RHNO1: variants seen among roughly 807,000 people sequenced by gnomAD.
RHNO1 encodes RAD9, HUS1, RAD1-interacting nuclear orphan protein 1.
RHNO1 carries 9 observed loss-of-function variants against 7.2 expected under a neutral mutation model. The observed-to-expected ratio is 1.25, with a 90% CI of 0.75 to 2.18. RHNO1 has a LOEUF of 2.18. Ranked by LOEUF, RHNO1 falls within the 30% of genes most tolerant of loss-of-function variation. The probability of loss-of-function intolerance (pLI) is 0.00; values close to 1 mark genes in which losing one functional copy is unlikely to be tolerated. For missense variants in RHNO1, 292 were observed against 284.5 expected (o/e 1.03, Z -0.19); for synonymous variants, 95 against 107.5 (o/e 0.88, Z 0.72).
rs1375829952 is a variant in RHNO1 at position 2,886,953 on chromosome 12, T to C, written c.169-958T>C. 4 of 455,828 alleles carry C rather than the reference T, an allele frequency of 8.8e-6. No homozygotes were observed. In the Admixed American group the frequency reaches 9.4e-5, roughly 11 times the overall value. The allele number at this position is 455,828 out of a possible 1,614,324, so 28.2% of individuals were successfully genotyped here. A position where few individuals can be genotyped will look rare whatever the true frequency, so the allele number is the denominator to read the frequency against. ...GCTATGCTTGGAGTTGGCTATTCATTAACTGAGGGCCTTCTTTGTTCCAGG... is the reference window on the plus strand; with the variant it reads ...GCTATGCTTGGAGTTGGCTATTCATCAACTGAGGGCCTTCTTTGTTCCAGG... On this transcript the variant is annotated intron_variant, in intron 2 of 2. Transcript: ENST00000489288.
intron 1 of RHNO1, chr12:2,877,808 AC>A (rs1452422595): frequency 1.3e-5 from 2 of 152,340 alleles, no homozygotes; most frequent in African/African-American, 4.8e-5. Context: ...CCCTGAAGAT[AC>A]AATGGCAGAC....
chr12:2,887,081 G>A (rs1189267415), intron 2 of RHNO1: 16 of 427,836 alleles, frequency 3.7e-5, no homozygotes, highest in Non-Finnish European at 4.9e-5. Context: ...TGTGGCTTAC[G>A]CCTGTAATCC....
chr12:2,882,607 G>A lies in RHNO1; in HGVS notation c.-84-2676G>A, dbSNP rs1443507615. ...AATCTAACCTACTGGGGAGGCTGAGGGTGGAGAATTTCTTGAACTCGGGAG... is the reference window on the plus strand; with the variant it reads ...AATCTAACCTACTGGGGAGGCTGAGAGTGGAGAATTTCTTGAACTCGGGAG... On this transcript the variant is annotated intron_variant, in intron 1 of 2. Transcript: ENST00000489288. Among the ~76,000 whole-genome samples, 3 of 152,076 alleles carry A rather than the reference G, an allele frequency of 2.0e-5. 1 individual carries two copies. Among genetic ancestry groups the A allele is most frequent in the African/African-American group, 7.3e-5 (3 of 41,342 alleles).
chr12:2,885,253 T>A (rs754411143), intron 1 of RHNO1, 30 bp from the exon 2 acceptor site: 3 of 912,084 alleles, frequency 3.3e-6, no homozygotes, highest in Non-Finnish European at 5.0e-6. Flanking sequence ...TCTGAATTAT[T>A]TGCTCCCAGC....
chr12:2,879,201 A>G (rs2098154119), intron 1 of RHNO1, among the ~76,000 whole-genome samples: 1 of 151,472 alleles, frequency 6.6e-6, no homozygotes, highest in Admixed American at 6.6e-5. Context: ...ACAGGGTCTC[A>G]CTCTGTTGCC....
chr12:2,886,655 C>CAAAAAA (rs11441422), intron 2 of RHNO1, among the ~76,000 whole-genome samples: 4 of 95,360 alleles, frequency 4.2e-5, no homozygotes, highest in African/African-American at 7.8e-5. Context: ...GACCCTGTCT[C>CAAAAAA]AAAAAAAAAA....
At position 2,885,475 on chromosome 12, in the gene RHNO1, A is replaced by C. The variant is rs752859007; in HGVS notation, c.109A>C (p.Ile37Leu). 2 of 1,610,996 alleles carry C rather than the reference A, an allele frequency of 1.2e-6. No individual in the cohort carries two copies. The highest frequency in any genetic ancestry group is 2.2e-5 in the South Asian group (2 of 90,994). ...CAGCTGTGCATCTACACAGCTTCCCATCACTCACACTCGACAGGTGCCCAG... is the reference window on the plus strand; with the variant it reads ...CAGCTGTGCATCTACACAGCTTCCCCTCACTCACACTCGACAGGTGCCCAG... ...KHSCASTQLP[I>L]THTRQVPSKP... Residue 37 changes from isoleucine to leucine, a missense_variant, in exon 2 of 3, where the codon ATC becomes CTC. Coordinates refer to ENST00000489288, the MANE Select transcript of RHNO1 (RefSeq NM_001252499.3).
intron 1 of RHNO1, chr12:2,885,018 C>A: frequency 4.6e-6 from 1 of 215,296 alleles, no homozygotes; most frequent in East Asian, 1.2e-4. Context: ...ACTACAAGTG[C>A]TTTGCACTCA....
Position 2,888,883 on chromosome 12 carries a change from T to A in RHNO1, c.*424T>A, listed in dbSNP as rs1033068337. ...ATGAACTATTCACTTCATATTTTTC[T>A]TGTATTAACTGTTTAAATTTTTAAA... On this transcript the variant is annotated 3_prime_UTR_variant, in exon 3 of 3. Transcript: ENST00000489288. 1.9e-5 allele frequency: 3 copies of A among 154,368 alleles called. No individual in the cohort carries two copies. Among genetic ancestry groups the A allele is most frequent in the Non-Finnish European group, 4.3e-5 (3 of 69,578 alleles). The allele number at this position is 154,368 out of a possible 1,614,324, so 9.6% of individuals were successfully genotyped here.
At chr12:2,887,777 C>A in intron 2 of RHNO1, 134 bp from the exon 3 acceptor site, 3 of 676,742 alleles carry the variant, frequency 4.4e-6, no homozygotes, top group South Asian at 2.4e-5. Flanking sequence ...TGTTATTATG[C>A]CATTAGACAG....
At chr12:2,877,378 G>A (rs992225266) in intron 1 of RHNO1, 96 bp downstream of exon 1, 7 of 152,206 alleles carry the variant, frequency 4.6e-5, no homozygotes, top group African/African-American at 7.2e-5. Flanking sequence ...GGCGAGCCGA[G>A]GGAGAGTTTG....
At chr12:2,878,694 G>C (rs1050548786) in intron 1 of RHNO1, among the ~76,000 whole-genome samples, 3 of 151,950 alleles carry the variant, frequency 2.0e-5, no homozygotes, top group East Asian at 3.8e-4. Flanking sequence ...CAGGGAGAGA[G>C]AGAGAGGAAG....
At chr12:2,887,080 C>T (rs1005782733) in intron 2 of RHNO1, 51 of 427,398 alleles carry the variant, frequency 1.2e-4, no homozygotes, top group Non-Finnish European at 7.3e-5. Context: ...TTGTGGCTTA[C>T]GCCTGTAATC....
intron 1 of RHNO1, chr12:2,877,992 C>G (rs114047850): frequency 0.014 from 2,137 of 152,316 alleles, 52 homozygotes; most frequent in African/African-American, 0.049. Flanking sequence ...ACCAGCCTGG[C>G]AACATAGCGA....
At chr12:2,881,699 G>C (rs1042725653) in intron 1 of RHNO1, among the ~76,000 whole-genome samples, 1 of 151,776 alleles carries the variant, frequency 6.6e-6, no homozygotes, top group Non-Finnish European at 1.5e-5. Flanking sequence ...GAGGTCAGGA[G>C]TTCGAGACCA....
At chr12:2,880,930 C>T (rs2098156770) in intron 1 of RHNO1, among the ~76,000 whole-genome samples, 2 of 151,944 alleles carry the variant, frequency 1.3e-5, no homozygotes, top group Admixed American at 6.6e-5. Context: ...TGAGCTACTG[C>T]ACCTAGCTTG....
rs2098167815 is a variant in RHNO1, at chr12:2,888,114, CA to C, written c.373del (p.Arg125GlufsTer4). The C allele has an allele frequency of 6.2e-7, 1 of 1,613,818 alleles. No individual in the cohort carries two copies. Among genetic ancestry groups the C allele is most frequent in the African/African-American group, 1.3e-5 (1 of 74,910 alleles). On this transcript the variant is annotated frameshift_variant, in exon 3 of 3. Coordinates refer to ENST00000489288, the MANE Select transcript of RHNO1 (RefSeq NM_001252499.3). LOFTEE classifies it low-confidence loss of function (END_TRUNC). ...CPSESEKDVSRRPLVPVLSPQ... is the reference protein window; with the variant it reads ...CPSESEKDVSXRPLVPVLSPQ... ...CCAGTGAATCAGAAAAGGATGTTTC[CA>C]GAAGACCCTTAGTTCCAGTGCTCAG... is the stretch of plus-strand genomic sequence containing the variant.
At position 2,885,296 on chromosome 12, in the gene RHNO1, T is replaced by C; in HGVS notation, c.-71T>C. On this transcript the variant is annotated 5_prime_UTR_variant, in exon 2 of 3. Coordinates refer to ENST00000489288, the MANE Select transcript of RHNO1 (RefSeq NM_001252499.3). ...TCTTCTCTACAGGCATGGGTTGGAA[T>C]TGGAGCCTATCCCCCAACCCGAAGG... 1 of 1,380,608 alleles carries C rather than the reference T, an allele frequency of 7.2e-7. No homozygotes were observed. The allele number at this position is 1,380,608 out of a possible 1,614,324, so 85.5% of individuals were successfully genotyped here.
chr12:2,883,505 ATATATATTTTTTTTTT>A (rs1418453092), intron 1 of RHNO1, among the ~76,000 whole-genome samples: 657 of 31,754 alleles, frequency 0.021, 3 homozygotes, highest in African/African-American at 0.11. Context: ...ATATATATAT[ATATATATTTTTTTTTT>A]TTTTTTTTTT....
Sources: gnomAD v4.1 joint callset for allele counts (sites outside exome capture counted in the v4.1 genomes callset) on GRCh38, gnomAD v4.1.1 for gene constraint, MANE v1.5 for transcripts, NCBI Gene and HGNC (gene_info 2026-07-23, HGNC 2026-07-21) for gene names.